Variants in LIFR observed in about 807,000 individuals in gnomAD.
The protein encoded by LIFR is LIF receptor subunit alpha.
Under a neutral mutation model 122.2 loss-of-function variants are expected in LIFR, and 84 were observed. That is an observed-to-expected ratio of 0.69 (90% CI 0.58 to 0.82). The LOEUF is 0.82. LIFR is among the 40% of genes least tolerant of loss of function. The pLI, the probability that LIFR is intolerant of heterozygous loss-of-function variation, is 0.00. For synonymous variants in LIFR, 422 were observed against 434.7 expected, an observed-to-expected ratio of 0.97 and a Z score of 0.36; for missense variants, 1,294 against 1,311.6, an observed-to-expected ratio of 0.99 and a Z score of 0.21.
chr5:38,568,205 C>G (rs1749091290), intron 1 of LIFR, among the ~76,000 whole-genome samples: 2 of 152,126 alleles, frequency 1.3e-5, no homozygotes, highest in Admixed American at 1.3e-4. Context: ...CCAATGGCAA[C>G]TTGAAATAAG....
At chr5:38,582,917 G>T (rs1391775258) in intron 1 of LIFR, among the ~76,000 whole-genome samples, 4 of 152,160 alleles carry the variant, frequency 2.6e-5, no homozygotes, top group African/African-American at 9.7e-5. Context: ...CCTCTCTGAC[G>T]CCCTATCTTC....
chr5:38,495,905 CT>C (rs980994930), intron 13 of LIFR, among the ~76,000 whole-genome samples: 9 of 151,656 alleles, frequency 5.9e-5, no homozygotes, highest in Non-Finnish European at 1.2e-4. Flanking sequence ...CTTAAGAAGA[CT>C]TTTTTTAATC....
Position 38,487,791 on chromosome 5 carries a change from A to C in LIFR, c.2335+1287T>G, listed in dbSNP as rs564031312. On this transcript the variant is annotated intron_variant, in intron 16 of 19. Transcript: ENST00000453190. ...CTTGTAGTTAGGCCCTTCAGTTCTAAGGAACGTTCTTCAATCGACCCCTCC... is the reference window on the plus strand; with the variant it reads ...CTTGTAGTTAGGCCCTTCAGTTCTACGGAACGTTCTTCAATCGACCCCTCC... 3.3e-5 allele frequency among the ~76,000 whole-genome samples: 5 copies of C among 152,280 alleles called. No individual in the cohort carries two copies. In the South Asian group the frequency reaches 1.0e-3, roughly 32 times the overall value.
In LIFR at chr5:38,523,590, A is replaced by C. The variant is rs544897148; in HGVS notation, c.398-8T>G. On this transcript the variant is annotated splice_region_variant and splice_polypyrimidine_tract_variant and intron_variant, in intron 4 of 19. Coordinates refer to ENST00000453190, the MANE Select transcript of LIFR (RefSeq NM_001127671.2). ...GAGTATCTGGAATTAAGGCTTTAAA[A>C]AGAGGAAACAAAAGAGAAAACTTAG... 1.7e-5 allele frequency: 28 copies of C among 1,608,414 alleles called. 2 individuals carry two copies. The South Asian group carries it at 3.1e-4, about 18-fold the overall frequency.
rs1017776903 is a variant in LIFR at position 38,481,310 on chromosome 5, A to G, written c.*285T>C. On this transcript the variant is annotated 3_prime_UTR_variant, in exon 20 of 20. Transcript: ENST00000453190. ...TTACATGTACGTACAAGTAGGTATT[A>G]GCCTTGAAATGCTTCTTGAAGGTAG... 13 of 493,136 alleles carry G rather than the reference A, an allele frequency of 2.6e-5. No individual in the cohort carries two copies. Among genetic ancestry groups the G allele is most frequent in the East Asian group, 1.7e-4 (5 of 28,860 alleles). The allele number at this position is 493,136 out of a possible 1,614,324, so 30.5% of individuals were successfully genotyped here.
chr5:38,529,551 C>T (rs1312857473), intron 2 of LIFR, among the ~76,000 whole-genome samples: 1 of 151,814 alleles, frequency 6.6e-6, no homozygotes, highest in Non-Finnish European at 1.5e-5. Context: ...TTACTCACAT[C>T]TATAAAATAA....
chr5:38,598,428 T>G (rs1263654959), upstream of LIFR, among the ~76,000 whole-genome samples: 1 of 151,634 alleles, frequency 6.6e-6, no homozygotes, highest in Non-Finnish European at 1.5e-5. Flanking sequence ...TGTATTTTTG[T>G]AGAGATGACG....
rs886060607 is a variant in LIFR at position 38,475,928 on chromosome 5, A to G, written c.*5667T>C. ...TGCAAGCAATTCTGAATTTAAATGTATTTAAGAAAAAGCCGTGCTCTTTTT... is the reference window on the plus strand; with the variant it reads ...TGCAAGCAATTCTGAATTTAAATGTGTTTAAGAAAAAGCCGTGCTCTTTTT... On this transcript the variant is annotated 3_prime_UTR_variant, in exon 20 of 20. Coordinates refer to ENST00000453190, the MANE Select transcript of LIFR (RefSeq NM_001127671.2). 6 of 194,100 alleles carry G rather than the reference A, an allele frequency of 3.1e-5. No homozygotes were observed. The highest frequency in any genetic ancestry group is 4.3e-5 in the Non-Finnish European group (4 of 93,122). The allele number at this position is 194,100 out of a possible 1,614,324, so 12.0% of individuals were successfully genotyped here.
At chr5:38,517,945 AAAAAAAAAAACAAAC>A (rs1746188424) in intron 5 of LIFR, among the ~76,000 whole-genome samples, 1 of 146,768 alleles carries the variant, frequency 6.8e-6, no homozygotes, top group Non-Finnish European at 1.5e-5. Context: ...TCTCTATGAA[AAAAAAAAAAACAAAC>A]AAAAAAAAAC....
At chr5:38,562,483 G>A (rs1748873213) in intron 1 of LIFR, among the ~76,000 whole-genome samples, 1 of 152,112 alleles carries the variant, frequency 6.6e-6, no homozygotes, top group South Asian at 2.1e-4. Flanking sequence ...ATAGCCCATC[G>A]TACATCCAGA....
chr5:38,549,945 A>G (rs55748078), intron 1 of LIFR, among the ~76,000 whole-genome samples: 186 of 152,326 alleles, frequency 1.2e-3, no homozygotes, highest in Middle Eastern at 6.8e-3. Flanking sequence ...CCCAGTAAGT[A>G]GGCTTCTTAA....
chr5:38,490,010 AAAAAAAAAAAAGAG>A (rs1252179164), intron 15 of LIFR, among the ~76,000 whole-genome samples, 166 bp downstream of exon 15: 1 of 150,880 alleles, frequency 6.6e-6, no homozygotes, highest in African/African-American at 2.4e-5. Flanking sequence ...AAAAAAAAAA[AAAAAAAAAAAAGAG>A]GAGGAGGAGA....
chr5:38,511,477 T>G (rs1023164814), intron 6 of LIFR, among the ~76,000 whole-genome samples: 1 of 152,120 alleles, frequency 6.6e-6, no homozygotes. Context: ...TGTTTTGTTT[T>G]TTTTTTTTAA....
intron 1 of LIFR, among the ~76,000 whole-genome samples, chr5:38,545,635 G>A (rs181268037): frequency 7.2e-5 from 11 of 152,092 alleles, no homozygotes; most frequent in African/African-American, 2.4e-4. Context: ...GGCCGAGGTG[G>A]GCGGATCACG....
intron 1 of LIFR, among the ~76,000 whole-genome samples, chr5:38,567,506 A>ATTTAT (rs1219209738): frequency 6.9e-6 from 1 of 144,082 alleles, no homozygotes; most frequent in African/African-American, 2.5e-5. Flanking sequence ...GTATTTATTT[A>ATTTAT]TTTATTTATT....
Position 38,510,626 on chromosome 5 carries a change from C to T in LIFR, c.829G>A (p.Val277Met). The change falls in exon 7 of 20, where the codon GTG becomes ATG. Residue 277 changes from valine (V) to methionine (M), a missense_variant. Transcript: ENST00000453190. The part of the protein sequence containing the change: ...ITFCCVSQEK[V>M]LSALIGHTNC... ...GTATGGCCAATCAGTGCTGATAACA[C>T]TTTTTCTTGACTCACACAACAAAAT... 6.2e-7 allele frequency: 1 copy of T among 1,614,038 alleles called. No individual in the cohort carries two copies. The highest frequency in any genetic ancestry group is 8.5e-7 in the Non-Finnish European group (1 of 1,179,964).
At chr5:38,511,374 C>T (rs1013167481) in intron 6 of LIFR, among the ~76,000 whole-genome samples, 1 of 152,052 alleles carries the variant, frequency 6.6e-6, no homozygotes, top group African/African-American at 2.4e-5. Flanking sequence ...ACTTAATGTA[C>T]GGATGCTTTT....
At chr5:38,525,937 T>G (rs1260754156) in intron 4 of LIFR, among the ~76,000 whole-genome samples, 1 of 152,224 alleles carries the variant, frequency 6.6e-6, no homozygotes, top group Non-Finnish European at 1.5e-5. Flanking sequence ...ATAATTTACA[T>G]TTTATTTAAA....
intron 1 of LIFR, among the ~76,000 whole-genome samples, chr5:38,538,595 TC>T (rs1162665668): frequency 6.6e-6 from 1 of 152,118 alleles, no homozygotes; most frequent in African/African-American, 2.4e-5. Flanking sequence ...CCCTGACTCT[TC>T]CTTCTTCCTC....
Sources: allele counts gnomAD v4.1 joint callset (sites outside exome capture counted in the v4.1 genomes callset), GRCh38; gene constraint gnomAD v4.1.1; transcripts MANE v1.5; gene names NCBI Gene and HGNC (gene_info 2026-07-23, HGNC 2026-07-21).